Variants in RGPD8 observed in about 807,000 individuals in gnomAD.
RGPD8 encodes RANBP2 like and GRIP domain containing 8.
RGPD8 carries 15 observed loss-of-function variants against 89.1 expected under a neutral mutation model. That is an observed-to-expected ratio of 0.17 (90% CI 0.11 to 0.26). The LOEUF is 0.26. Among genes scored for constraint, RGPD8 ranks in the 10% least tolerant of loss-of-function variants. The probability of loss-of-function intolerance (pLI) is 1.00; values close to 1 mark genes in which losing one functional copy is unlikely to be tolerated. For synonymous variants in RGPD8, 62 were observed against 420.9 expected, an observed-to-expected ratio of 0.15 and a Z score of 10.44; for missense variants, 178 against 1,179.6, an observed-to-expected ratio of 0.15 and a Z score of 12.44.
At chr2:112,374,858 C>CTTTTT (rs780008775) in intron 22 of RGPD8, among the ~76,000 whole-genome samples, 195 of 103,268 alleles carry the variant, frequency 1.9e-3, no homozygotes, top group African/African-American at 6.9e-3. Context: ...AGTTTACATT[C>CTTTTT]TTTTTTTTTT....
intron 19 of RGPD8, 75 bp from the exon 20 acceptor site, chr2:112,390,322 C>A (rs1433219666): frequency 1.9e-5 from 18 of 952,808 alleles, no homozygotes; most frequent in African/African-American, 3.7e-5. Context: ...CTTCTTCATT[C>A]CTAAACAATT....
intron 22 of RGPD8, among the ~76,000 whole-genome samples, chr2:112,372,925 CTTTA>C (rs2104757760): frequency 1.6e-5 from 2 of 121,408 alleles, no homozygotes; most frequent in South Asian, 2.7e-4. Flanking sequence ...GGCTTTTTTT[CTTTA>C]TTTACTTGTA....
intron 21 of RGPD8, among the ~76,000 whole-genome samples, chr2:112,380,297 A>T (rs1405728878): frequency 1.0e-4 from 13 of 129,942 alleles, no homozygotes; most frequent in Non-Finnish European, 2.0e-4. Context: ...CTAGTTTCTA[A>T]ATCTATTACG....
At position 112,390,231 on chromosome 2, in the gene RGPD8, T is replaced by C; in HGVS notation, c.2714A>G (p.Glu905Gly). ...VTPTKGSSNTEFKSTKEGFSI... is the reference protein window; with the variant it reads ...VTPTKGSSNTGFKSTKEGFSI... ...AAATCCTTCTTTGGTTGACTTAAATTCTGTATTAGAAGAACCCTGAAACAT... is the reference window on the plus strand; with the variant it reads ...AAATCCTTCTTTGGTTGACTTAAATCCTGTATTAGAAGAACCCTGAAACAT... The change falls in exon 20 of 23, where the codon GAA (glutamate) becomes GGA (glycine). Residue 905 changes from glutamate (E) to glycine (G), a missense_variant. Physicochemically the swap from Glu to Gly is moderately conservative, Grantham distance 98. Transcript: ENST00000302558. The C allele has an allele frequency of 6.4e-7, 1 of 1,565,486 alleles. No individual in the cohort carries two copies. The highest frequency in any genetic ancestry group is 8.7e-7 in the Non-Finnish European group (1 of 1,150,714).
chr2:112,370,362 C>CGGGGG (rs1677926722), intron 22 of RGPD8, 150 bp from the exon 23 acceptor site: 1 of 99,382 alleles, frequency 1.0e-5, no homozygotes, highest in East Asian at 4.2e-4. Context: ...GGGGGGGGTT[C>CGGGGG]TTTTTTTTTT....
At chr2:112,430,421 G>A (rs1317125777) in intron 1 of RGPD8, among the ~76,000 whole-genome samples, 2 of 151,304 alleles carry the variant, frequency 1.3e-5, no homozygotes, top group African/African-American at 2.4e-5. Flanking sequence ...GAAATCCCCA[G>A]GTTCTAATGT....
chr2:112,391,088 A>G lies in RGPD8; in HGVS notation c.2603-19T>C. 6.3e-7 allele frequency: 1 copy of G among 1,589,956 alleles called. No homozygotes were observed. The highest frequency in any genetic ancestry group is 8.5e-7 in the Non-Finnish European group (1 of 1,176,854). ...GTTGCAACTGAAAAAAAAAAAAGAA[A>G]AGAAAGAAAACACTGTTAAAGTCTA... On this transcript the variant is annotated intron_variant, in intron 18 of 22. Transcript: ENST00000302558.
chr2:112,390,313 T>A, intron 19 of RGPD8, 66 bp from the exon 20 acceptor site: 2 of 1,040,694 alleles, frequency 1.9e-6, no homozygotes, highest in Non-Finnish European at 2.8e-6. Context: ...AATAAATACC[T>A]TCTTCATTCC....
chr2:112,430,748 C>G (rs1398330362), intron 1 of RGPD8, among the ~76,000 whole-genome samples: 2 of 151,632 alleles, frequency 1.3e-5, no homozygotes, highest in Admixed American at 6.6e-5. Context: ...ATCACTTGAG[C>G]CCAGGAGTTG....
intron 1 of RGPD8, among the ~76,000 whole-genome samples, chr2:112,431,936 G>A (rs974517558): frequency 6.6e-6 from 1 of 152,172 alleles, no homozygotes; most frequent in East Asian, 1.9e-4. Flanking sequence ...CACTGCGCCC[G>A]GCCAATATCC....
chr2:112,427,555 T>C (rs1401830751), intron 1 of RGPD8, among the ~76,000 whole-genome samples: 3 of 152,052 alleles, frequency 2.0e-5, no homozygotes, highest in Non-Finnish European at 4.4e-5. Flanking sequence ...AGATGCCACA[T>C]CATCGCTATC....
chr2:112,431,722 C>T (rs555389192), intron 1 of RGPD8, among the ~76,000 whole-genome samples: 8 of 151,938 alleles, frequency 5.3e-5, no homozygotes, highest in Admixed American at 1.3e-4. Flanking sequence ...CTAGAACCTC[C>T]GCCTCCCGGG....
rs923208377 is a variant in RGPD8, at chr2:112,424,168, C to T, written c.140+72G>A. Reference sequence around the variant, plus strand: ...AGAACTACTAAGAACATATTTTTACCTATTTCAAAGAAGAAAATGAGAAAA... The same window carrying T: ...AGAACTACTAAGAACATATTTTTACTTATTTCAAAGAAGAAAATGAGAAAA... On this transcript the variant is annotated intron_variant, in intron 2 of 22. Transcript: ENST00000302558. 7.3e-6 allele frequency: 11 copies of T among 1,502,678 alleles called. No individual in the cohort carries two copies. In the African/African-American group the frequency reaches 1.5e-4, roughly 21 times the overall value. 93.1% of individuals were successfully genotyped at this position (1,502,678 alleles called of 1,614,324 possible). A position where few individuals can be genotyped will look rare whatever the true frequency, so the allele number is the denominator to read the frequency against.
At chr2:112,429,618 C>T (rs1002482588) in intron 1 of RGPD8, among the ~76,000 whole-genome samples, 79 of 151,896 alleles carry the variant, frequency 5.2e-4, no homozygotes, top group African/African-American at 1.6e-3. Flanking sequence ...GGATCATTTA[C>T]GCCCAAAAAT....
In RGPD8 at chr2:112,380,728, T is replaced by C. The variant is rs1354683666; in HGVS notation, c.5061+96A>G. The C allele has an allele frequency of 2.3e-4, 253 of 1,101,840 alleles. 36 individuals carry two copies. The highest frequency in any genetic ancestry group is 2.8e-4 in the Non-Finnish European group (213 of 764,590). 68.3% of individuals were successfully genotyped at this position (1,101,840 alleles called of 1,614,324 possible). A position where few individuals can be genotyped will look rare whatever the true frequency, so the allele number is the denominator to read the frequency against. On this transcript the variant is annotated intron_variant, in intron 21 of 22. Coordinates refer to ENST00000302558, the MANE Select transcript of RGPD8 (RefSeq NM_001164463.1). ...TAAAGATCAAGACGTTATAGATGCA[T>C]CTGCAATGTGAATTTTTAAACTTGG...
At chr2:112,410,547 T>C in intron 7 of RGPD8, among the ~76,000 whole-genome samples, 1 of 148,794 alleles carries the variant, frequency 6.7e-6, no homozygotes, top group East Asian at 2.0e-4. Flanking sequence ...AGAGGCCGAG[T>C]TGGGTGGATC....
intron 1 of RGPD8, among the ~76,000 whole-genome samples, chr2:112,429,521 G>A (rs1288464609): frequency 6.6e-6 from 1 of 150,786 alleles, no homozygotes; most frequent in Non-Finnish European, 1.5e-5. Flanking sequence ...GAAGTATGAA[G>A]TATAGATGTA....
intron 1 of RGPD8, among the ~76,000 whole-genome samples, chr2:112,431,189 C>T (rs758385583): frequency 6.6e-6 from 1 of 152,092 alleles, no homozygotes; most frequent in Non-Finnish European, 1.5e-5. Flanking sequence ...GCTGGGGAGG[C>T]GGAAGCTGCA....
At chr2:112,431,038 G>C (rs1680008095) in intron 1 of RGPD8, among the ~76,000 whole-genome samples, 1 of 152,146 alleles carries the variant, frequency 6.6e-6, no homozygotes, top group South Asian at 2.1e-4. Flanking sequence ...AATCACTTGA[G>C]CCCAGGAGTT....
Sources: allele counts gnomAD v4.1 joint callset (sites outside exome capture counted in the v4.1 genomes callset), GRCh38; gene constraint gnomAD v4.1.1; transcripts MANE v1.5; gene names NCBI Gene and HGNC (gene_info 2026-07-23, HGNC 2026-07-21).